The following FHDC1 variants were observed in gnomAD, a reference collection of about 807,000 sequenced individuals.
The protein encoded by FHDC1 is FH2 domain-containing protein 1.
In FHDC1, 25 loss-of-function variants were observed where a neutral mutation model predicts 52.6. The observed-to-expected ratio is 0.48, with a 90% confidence interval of 0.35 to 0.66. The LOEUF is 0.66. FHDC1 is among the 30% of genes least tolerant of loss of function. The pLI, the probability that FHDC1 is intolerant of heterozygous loss-of-function variation, is 0.01. For missense variants in FHDC1, 1,459 were observed against 1,452.8 expected (o/e 1.00, Z -0.07); for synonymous variants, 616 against 581.5 (o/e 1.06, Z -0.85).
At chr4:152,953,780 C>T (rs1190846052) in intron 3 of FHDC1, among the ~76,000 whole-genome samples, 1 of 152,246 alleles carries the variant, frequency 6.6e-6, no homozygotes, top group Non-Finnish European at 1.5e-5. Context: ...CCAGGGCATC[C>T]ATTCAAGCCT....
intron 1 of FHDC1, among the ~76,000 whole-genome samples, chr4:152,939,426 G>A (rs958312233): frequency 1.3e-5 from 2 of 152,088 alleles, no homozygotes; most frequent in Admixed American, 6.5e-5. Flanking sequence ...GAGCCACCGC[G>A]CCTGGCCGAG....
upstream of FHDC1, among the ~76,000 whole-genome samples, chr4:152,935,530 C>A (rs1446157214): frequency 6.6e-6 from 1 of 152,104 alleles, no homozygotes; most frequent in African/African-American, 2.4e-5. Flanking sequence ...AGACAGCGTG[C>A]GTTCATTCGA....
chr4:152,954,820 GA>G (rs774165384), intron 4 of FHDC1, among the ~76,000 whole-genome samples: 13 of 152,288 alleles, frequency 8.5e-5, no homozygotes, highest in Non-Finnish European at 1.9e-4. Context: ...TGGAGTCAGA[GA>G]ATCTAGATTC....
intron 4 of FHDC1, among the ~76,000 whole-genome samples, chr4:152,957,925 C>G (rs1319267872): frequency 1.3e-5 from 2 of 152,168 alleles, no homozygotes; most frequent in East Asian, 1.9e-4. Context: ...GGAACACCCC[C>G]ACCACGCCTG....
Position 152,962,884 on chromosome 4 carries a change from A to G in FHDC1, c.921A>G (p.Ala307=). 1 of 1,613,650 alleles carries G rather than the reference A, an allele frequency of 6.2e-7. No individual in the cohort carries two copies. Among genetic ancestry groups the G allele is most frequent in the Non-Finnish European group, 8.5e-7 (1 of 1,179,822 alleles). Residue 307 remains alanine (A), a splice_region_variant and synonymous_variant, in exon 7 of 12, where the codon GCA becomes GCG. Coordinates refer to ENST00000511601, the MANE Select transcript of FHDC1 (RefSeq NM_001371116.1). The stretch of plus-strand genomic sequence containing the variant: ...TCCAGGCTGGGAATATCATGAATGC[A>G]GTAAGTAAAATCCAAAACAATTGTA... ...LVLQAGNIMN[A]GGYAGNAVGF...
the FHDC1 span, chr4:152,928,312 A>G: frequency 1.1e-5 from 6 of 535,570 alleles, no homozygotes; most frequent in South Asian, 1.2e-4. Flanking sequence ...CTTTGCCTGC[A>G]TCCTGTGCAC....
At chr4:152,957,416 A>G (rs1428498659) in intron 4 of FHDC1, among the ~76,000 whole-genome samples, 3 of 152,198 alleles carry the variant, frequency 2.0e-5, no homozygotes, top group African/African-American at 7.2e-5. Context: ...TGAGAAACTG[A>G]GGCTCACACA....
chr4:152,925,441 A>G, the FHDC1 span, among the ~76,000 whole-genome samples: 1 of 152,134 alleles, frequency 6.6e-6, no homozygotes, highest in East Asian at 1.9e-4. Context: ...CATTAAAGGA[A>G]CTCTTAGGTG....
chr4:152,937,425 C>T (rs1039730415), intron 1 of FHDC1, among the ~76,000 whole-genome samples: 2 of 152,102 alleles, frequency 1.3e-5, no homozygotes, highest in Non-Finnish European at 1.5e-5. Context: ...GGGGCTGGCG[C>T]CCTGGGGGGC....
the FHDC1 span, among the ~76,000 whole-genome samples, chr4:152,924,093 T>G: frequency 2.0e-5 from 3 of 151,316 alleles, no homozygotes; most frequent in South Asian, 2.1e-4. Context: ...GGAGAAAATT[T>G]TCGCAACCTA....
chr4:152,954,284 C>T lies in FHDC1; in HGVS notation c.628C>T (p.Arg210Ter), dbSNP rs774409275. 12 of 1,614,094 alleles carry T rather than the reference C, an allele frequency of 7.4e-6. No individual in the cohort carries two copies. Among genetic ancestry groups the T allele is most frequent in the East Asian group, 2.2e-5 (1 of 44,886 alleles). ...KSEHYGSETL[R>*]EFLKFLPESE... ...TGAGCATTATGGATCAGAGACCTTG[C>T]GAGAATTTCTTAAGTTTTTGCCAGA... The change falls in exon 4 of 12, where the codon CGA becomes TGA. Residue 210 changes from arginine to a stop codon, truncating the protein, a stop_gained. Coordinates refer to ENST00000511601, the MANE Select transcript of FHDC1 (RefSeq NM_001371116.1). LOFTEE classifies it high-confidence loss of function.
chr4:152,932,465 AG>A, upstream of FHDC1, among the ~76,000 whole-genome samples: 1 of 152,106 alleles, frequency 6.6e-6, no homozygotes, highest in East Asian at 1.9e-4. Context: ...TGCATTTTAT[AG>A]TAACAGTAAC....
intron 10 of FHDC1, 44 bp downstream of exon 10, chr4:152,968,141 G>A: frequency 7.0e-7 from 1 of 1,426,226 alleles, no homozygotes; most frequent in South Asian, 1.2e-5. Flanking sequence ...TCATCTCCCA[G>A]CAGCACCCCG....
At position 152,974,939 on chromosome 4, in the gene FHDC1, G is replaced by A. The variant is rs1249025401; in HGVS notation, c.1648G>A (p.Glu550Lys). ...CTCCCTGGGTCCCTCTGCTGACCGGGAGCTGCTGACCTTCTTGGAGAGCTC... is the reference window on the plus strand; with the variant it reads ...CTCCCTGGGTCCCTCTGCTGACCGGAAGCTGCTGACCTTCTTGGAGAGCTC... ...RLSLGPSADR[E>K]LLTFLESSTG... The change falls in exon 12 of 12, where the codon GAG becomes AAG. Residue 550 changes from glutamate to lysine, a missense_variant. Glu to Lys is a moderately conservative substitution (Grantham distance 56). Around this residue, in one of 3 missense-constraint regions of FHDC1, gnomAD observed 939 missense variants for 854.5 expected, o/e 1.10. Coordinates refer to ENST00000511601, the MANE Select transcript of FHDC1 (RefSeq NM_001371116.1). The A allele has an allele frequency of 5.6e-6, 9 of 1,612,408 alleles. No homozygotes were observed. The highest frequency in any genetic ancestry group is 7.6e-6 in the Non-Finnish European group (9 of 1,179,868).
intron 6 of FHDC1, among the ~76,000 whole-genome samples, chr4:152,961,117 T>C (rs910131583): frequency 2.0e-5 from 3 of 152,198 alleles, no homozygotes; most frequent in African/African-American, 7.2e-5. Context: ...GGCTTGCTCT[T>C]GTTTCTCTCC....
At chr4:152,933,270 C>G (rs1739281367), upstream of FHDC1, among the ~76,000 whole-genome samples, 1 of 152,096 alleles carries the variant, frequency 6.6e-6, no homozygotes, top group Admixed American at 6.6e-5. Context: ...CTGGTTGGCA[C>G]ATTTGGGGGA....
At chr4:152,929,240 C>T in the FHDC1 span, among the ~76,000 whole-genome samples, 1 of 152,120 alleles carries the variant, frequency 6.6e-6, no homozygotes, top group Non-Finnish European at 1.5e-5. The surrounding 1 kb of genome is among the most constrained non-coding windows in gnomAD (Gnocchi z 4.1). Context: ...CTCTGATTAA[C>T]CTTTTACTAA....
At chr4:152,928,037 TC>T in the FHDC1 span, 1 of 1,446,958 alleles carries the variant, frequency 6.9e-7, no homozygotes, top group East Asian at 2.3e-5. Context: ...CCTGAGTGGC[TC>T]CTCCATCCAC....
chr4:152,976,990 A>C lies in FHDC1; in HGVS notation c.*267A>C. ...CCCCATGCACCCCACCCTCCCCCAAAGCCCGGATCCCGAGAAAGATTTAGT... is the reference window on the plus strand; with the variant it reads ...CCCCATGCACCCCACCCTCCCCCAACGCCCGGATCCCGAGAAAGATTTAGT... On this transcript the variant is annotated 3_prime_UTR_variant, in exon 12 of 12. Coordinates refer to ENST00000511601, the MANE Select transcript of FHDC1 (RefSeq NM_001371116.1). 2 of 303,582 alleles carry C rather than the reference A, an allele frequency of 6.6e-6. No homozygotes were observed. The highest frequency in any genetic ancestry group is 1.2e-5 in the Non-Finnish European group (2 of 170,720). 18.8% of individuals were successfully genotyped at this position (303,582 alleles called of 1,614,324 possible).
Sources: allele counts gnomAD v4.1 joint callset (sites outside exome capture counted in the v4.1 genomes callset), GRCh38; gene constraint gnomAD v4.1.1; regional missense constraint gnomAD v4.1.1; non-coding constraint Gnocchi (gnomAD v3.1); transcripts MANE v1.5; gene names NCBI Gene and HGNC (gene_info 2026-07-23, HGNC 2026-07-21).